Variants in METTL13 observed in about 807,000 individuals in gnomAD.
METTL13 encodes eEF1A lysine and N-terminal methyltransferase.
Under a neutral mutation model 67.4 loss-of-function variants are expected in METTL13, and 52 were observed. The ratio of observed to expected loss-of-function variants is 0.77; its 90% CI spans 0.62 to 0.97. The LOEUF (loss-of-function observed/expected upper bound fraction) is 0.97, where lower values mean the gene tolerates loss of function less well. METTL13 is among the 50% of genes least tolerant of loss of function. The pLI, the probability that METTL13 is intolerant of heterozygous loss-of-function variation, is 0.00. For missense variants in METTL13, 825 were observed against 889.6 expected (o/e 0.93, Z 0.92); for synonymous variants, 354 against 353.6 (o/e 1.00, Z -0.01).
intron 3 of METTL13, among the ~76,000 whole-genome samples, chr1:171,787,193 GAAAT>G (rs1458580988): frequency 6.6e-6 from 1 of 151,986 alleles, no homozygotes; most frequent in Non-Finnish European, 1.5e-5. Flanking sequence ...TTTAAAAAAA[GAAAT>G]AAAGATAGGG....
At chr1:171,787,609 C>G (rs1657060752) in intron 3 of METTL13, 126 bp from the exon 4 acceptor site, 1 of 791,760 alleles carries the variant, frequency 1.3e-6, no homozygotes, top group Non-Finnish European at 2.0e-6. Flanking sequence ...AATGGCAAAT[C>G]TGTGGAGTAG....
intron 2 of METTL13, 113 bp downstream of exon 2, chr1:171,784,612 T>A: frequency 7.6e-7 from 1 of 1,312,698 alleles, no homozygotes; most frequent in Non-Finnish European, 9.9e-7. Flanking sequence ...TTCTGGACTG[T>A]TTTTTGTCTT....
chr1:171,784,152 G>T lies in METTL13; in HGVS notation c.566G>T (p.Ser189Ile), dbSNP rs1431717986. 7.4e-6 allele frequency: 12 copies of T among 1,614,258 alleles called. No homozygotes were observed. The highest frequency in any genetic ancestry group is 1.0e-5 in the Non-Finnish European group (12 of 1,180,052). ...GTGAGGGTGCACCAAGTGGCCAACA[G>T]CCAGGACCAGGTGTTGGAAGCAGAG... ...WMVRVHQVAN[S>I]QDQVLEAEPQ... The change falls in exon 2 of 8, where the codon AGC becomes ATC. Residue 189 changes from serine to isoleucine, a missense_variant. Transcript: ENST00000361735.
intron 4 of METTL13, among the ~76,000 whole-genome samples, chr1:171,789,846 G>A (rs1441523476): frequency 1.3e-5 from 2 of 149,444 alleles, no homozygotes; most frequent in African/African-American, 5.0e-5. Context: ...TGTGGGGCGG[G>A]GTAGGGGGGG....
rs750582911 is a variant in METTL13 at position 171,796,699 on chromosome 1, G to A, written c.2043G>A (p.Arg681=). 1 of 1,614,206 alleles carries A rather than the reference G, an allele frequency of 6.2e-7. No homozygotes were observed. The highest frequency in any genetic ancestry group is 2.2e-5 in the East Asian group (1 of 44,872). The change falls in exon 8 of 8, where the codon AGG becomes AGA. Residue 681 remains arginine, a synonymous_variant. Transcript: ENST00000361735. ...ALERTLRKPG[R]GWDDTYVLSD... Reference sequence around the variant, plus strand: ...AGCGGACCCTGAGGAAGCCTGGGAGGGGTTGGGATGACACGTATGTCTTGT... The same window carrying A: ...AGCGGACCCTGAGGAAGCCTGGGAGAGGTTGGGATGACACGTATGTCTTGT...
chr1:171,792,071 T>C lies in METTL13; in HGVS notation c.1529T>C (p.Phe510Ser). ...VGLGGGSLPL[F>S]VHDHFPKSCI... is the part of the protein sequence containing the mutation. ...CTGGGCGGGGGCAGCCTCCCCCTCT[T>C]TGTCCACGATCATTTTCCAAAGTCC... The change falls in exon 6 of 8, where the codon TTT (phenylalanine) becomes TCT (serine). Residue 510 changes from phenylalanine (F) to serine (S), a missense_variant. By Grantham distance (155) the Phe-to-Ser change is radical (BLOSUM62 -2). Transcript: ENST00000361735. 6.2e-7 allele frequency: 1 copy of C among 1,613,526 alleles called. No individual in the cohort carries two copies. The highest frequency in any genetic ancestry group is 8.5e-7 in the Non-Finnish European group (1 of 1,180,036).
chr1:171,786,658 C>CT lies in METTL13; in HGVS notation c.1113+588dup, dbSNP rs888262751. On this transcript the variant is annotated intron_variant, in intron 3 of 7. Transcript: ENST00000361735. ...AGAACTTCATGATGAGGAGTTGATC[C>CT]TTTTTTTTCTTTTTTGAGATAGGGT... Among the ~76,000 whole-genome samples, 163 of 151,944 alleles carry CT rather than the reference C, an allele frequency of 1.1e-3. 2 individuals are homozygous for CT. The highest frequency in any genetic ancestry group is 3.7e-3 in the African/African-American group (153 of 41,424).
chr1:171,792,587 G>C (rs539891460), intron 6 of METTL13, among the ~76,000 whole-genome samples: 101 of 152,348 alleles, frequency 6.6e-4, no homozygotes, highest in African/African-American at 2.2e-3. Context: ...TGTGTGTTGG[G>C]AGGTATTTTT....
chr1:171,786,743 C>T (rs1006611130), intron 3 of METTL13, among the ~76,000 whole-genome samples: 2 of 152,098 alleles, frequency 1.3e-5, no homozygotes, highest in African/African-American at 4.8e-5. Context: ...TCACTGCAGC[C>T]TCAGCCTCAA....
chr1:171,786,473 C>T (rs997896616), intron 3 of METTL13, among the ~76,000 whole-genome samples: 1 of 152,156 alleles, frequency 6.6e-6, no homozygotes, highest in Non-Finnish European at 1.5e-5. Context: ...GCCAAAACAG[C>T]TCAGCACAGT....
chr1:171,785,745 G>A, intron 2 of METTL13, 134 bp from the exon 3 acceptor site: 1 of 873,246 alleles, frequency 1.1e-6, no homozygotes, highest in Non-Finnish European at 1.8e-6. Context: ...CTAGAGAATT[G>A]TTAGCTCCTC....
chr1:171,787,550 A>G (rs1227785389), intron 3 of METTL13, among the ~76,000 whole-genome samples, 185 bp from the exon 4 acceptor site: 3 of 152,212 alleles, frequency 2.0e-5, no homozygotes, highest in African/African-American at 7.2e-5. Flanking sequence ...CAAAAGATGA[A>G]TTAAACCTTT....
chr1:171,788,568 C>T (rs1440654674), intron 4 of METTL13, among the ~76,000 whole-genome samples: 1 of 149,902 alleles, frequency 6.7e-6, no homozygotes, highest in Non-Finnish European at 1.5e-5. Flanking sequence ...TAAACCATCT[C>T]TTCTAGGATC....
At chr1:171,790,266 G>A (rs528201662) in intron 4 of METTL13, among the ~76,000 whole-genome samples, 186 bp from the exon 5 acceptor site, 1 of 152,226 alleles carries the variant, frequency 6.6e-6, no homozygotes, top group African/African-American at 2.4e-5. Flanking sequence ...AGATTTGTAG[G>A]GGACAAACAT....
Position 171,797,597 on chromosome 1 carries a change from C to T in METTL13, c.*841C>T, listed in dbSNP as rs1271525149. ...CTTCTAAGTGGTTTACATGCACTGT[C>T]TCATTTAATCTGAGATAAAGGATAC... On this transcript the variant is annotated 3_prime_UTR_variant, in exon 8 of 8. Transcript: ENST00000361735. The T allele has an allele frequency of 6.6e-6, 1 of 152,210 alleles. No individual in the cohort carries two copies. The highest frequency in any genetic ancestry group is 1.5e-5 in the Non-Finnish European group (1 of 68,038). The allele number at this position is 152,210 out of a possible 1,614,324, so 9.4% of individuals were successfully genotyped here.
Position 171,796,757 on chromosome 1 carries a change from C to T in METTL13, c.*1C>T, listed in dbSNP as rs1371045844. ...GCTCAAGACGGTGAAAATTGTGTGACTGCTTAGGCCAAGCAGCCCTCCTGC... is the reference window on the plus strand; with the variant it reads ...GCTCAAGACGGTGAAAATTGTGTGATTGCTTAGGCCAAGCAGCCCTCCTGC... On this transcript the variant is annotated 3_prime_UTR_variant, in exon 8 of 8. Coordinates refer to ENST00000361735, the MANE Select transcript of METTL13 (RefSeq NM_015935.5). 3 of 1,612,908 alleles carry T rather than the reference C, an allele frequency of 1.9e-6. No individual in the cohort carries two copies. The highest frequency in any genetic ancestry group is 2.2e-5 in the East Asian group (1 of 44,874).
chr1:171,789,472 G>A (rs1233572139), intron 4 of METTL13, among the ~76,000 whole-genome samples: 6 of 152,160 alleles, frequency 3.9e-5, no homozygotes, highest in Non-Finnish European at 4.4e-5. Context: ...GATAGGTGAT[G>A]GAGACAGGCA....
chr1:171,792,228 A>C lies in METTL13; in HGVS notation c.1686A>C (p.Gly562=), dbSNP rs749215232. 30 of 1,614,026 alleles carry C rather than the reference A, an allele frequency of 1.9e-5. 1 individual carries two copies. In the South Asian group the frequency reaches 2.7e-4, roughly 15 times the overall value. ...GLDYIASLAG[G]GEARPCYDVI... Reference sequence around the variant, plus strand: ...ACTATATCGCCAGCTTGGCAGGAGGAGGAGAAGGTACTGCTCTTGGAGCAT... The same window carrying C: ...ACTATATCGCCAGCTTGGCAGGAGGCGGAGAAGGTACTGCTCTTGGAGCAT... Residue 562 remains glycine, a synonymous_variant, in exon 6 of 8, where the codon GGA becomes GGC. Transcript: ENST00000361735.
rs143528021 is a variant in METTL13, at chr1:171,795,495, G to T, written c.1825+968G>T. Among the ~76,000 whole-genome samples the T allele has an allele frequency of 2.7e-4, 41 of 152,342 alleles. 2 individuals carry two copies. The East Asian group carries it at 7.7e-3, about 29-fold the overall frequency. ...CACTCCCACCAGCATGGTGATGCTAGCTACTACATGATGCTTCCTACACGT... is the reference window on the plus strand; with the variant it reads ...CACTCCCACCAGCATGGTGATGCTATCTACTACATGATGCTTCCTACACGT... On this transcript the variant is annotated intron_variant, in intron 7 of 7. Coordinates refer to ENST00000361735, the MANE Select transcript of METTL13 (RefSeq NM_015935.5).
Sources: gnomAD v4.1 joint callset for allele counts (sites outside exome capture counted in the v4.1 genomes callset) on GRCh38, gnomAD v4.1.1 for gene constraint, MANE v1.5 for transcripts, NCBI Gene and HGNC (gene_info 2026-07-23, HGNC 2026-07-21) for gene names.